The following PHAF1 variants were observed in gnomAD, a reference collection of about 807,000 sequenced individuals.
The protein encoded by PHAF1 is phagosome assembly factor 1.
Under a neutral mutation model 63.1 loss-of-function variants are expected in PHAF1, and 23 were observed. That is an observed-to-expected ratio of 0.36 (90% CI 0.26 to 0.52). The LOEUF (loss-of-function observed/expected upper bound fraction) is 0.52, where lower values mean the gene tolerates loss of function less well. Ranked by LOEUF, PHAF1 falls within the 20% of genes least tolerant of loss-of-function variation. PHAF1 has a pLI of 0.93. For missense variants in PHAF1, 427 were observed against 517.2 expected (o/e 0.83, Z 1.69); for synonymous variants, 167 against 185.0 (o/e 0.90, Z 0.79).
chr16:67,131,260 T>C, intron 3 of PHAF1, 26 bp from the exon 4 acceptor site: 1 of 1,507,940 alleles, frequency 6.6e-7, no homozygotes, highest in Non-Finnish European at 9.1e-7. Context: ...TTTCAGAGCA[T>C]TGACAACTCT....
At chr16:67,132,351 C>G in intron 4 of PHAF1, 95 bp from the exon 5 acceptor site, 2 of 1,088,990 alleles carry the variant, frequency 1.8e-6, no homozygotes, top group East Asian at 4.8e-5. Flanking sequence ...ACTCACCTGC[C>G]TGTGTCTTAA....
At position 67,109,952 on chromosome 16, in the gene PHAF1, C is replaced by T. The variant is rs1567633709; in HGVS notation, c.-224C>T. ...ACGCCACTTTTACTGCAGTCGCGCC[C>T]GCCGCCGTCGTTGCCCCCGCTGCCG... On this transcript the variant is annotated 5_prime_UTR_variant, in exon 1 of 16. Coordinates refer to ENST00000219139, the MANE Select transcript of PHAF1 (RefSeq NM_025187.5). The T allele has an allele frequency of 9.6e-6, 5 of 523,306 alleles. No individual in the cohort carries two copies. The highest frequency in any genetic ancestry group is 6.7e-5 in the East Asian group (2 of 30,060). 32.4% of individuals were successfully genotyped at this position (523,306 alleles called of 1,614,324 possible).
At chr16:67,120,258 G>C (rs774599041) in intron 2 of PHAF1, 64 bp downstream of exon 2, 24 of 1,428,482 alleles carry the variant, frequency 1.7e-5, no homozygotes, top group Non-Finnish European at 2.3e-5. Flanking sequence ...TTCCAGAGCT[G>C]ATGCTTTGGG....
chr16:67,130,921 GGT>G (rs1262569063), intron 3 of PHAF1, among the ~76,000 whole-genome samples: 2 of 152,156 alleles, frequency 1.3e-5, no homozygotes, highest in Non-Finnish European at 2.9e-5. Context: ...CACTGGCTAT[GGT>G]TATGCTGAAG....
chr16:67,118,245 T>C (rs1398766721), intron 1 of PHAF1, among the ~76,000 whole-genome samples: 2 of 149,918 alleles, frequency 1.3e-5, no homozygotes, highest in African/African-American at 4.9e-5. Context: ...AGTGCTGGGA[T>C]TACGGACGTG....
At chr16:67,131,393 C>T in intron 4 of PHAF1, 64 bp downstream of exon 4, 2 of 1,163,344 alleles carry the variant, frequency 1.7e-6, no homozygotes, top group Non-Finnish European at 1.2e-6. Context: ...CTACTATCTT[C>T]ATAAGTTAGT....
chr16:67,113,320 C>T lies in PHAF1; in HGVS notation c.64+3081C>T, dbSNP rs918153651. 3.3e-5 allele frequency among the ~76,000 whole-genome samples: 5 copies of T among 152,204 alleles called. No individual in the cohort carries two copies. The East Asian group carries it at 5.8e-4, about 18-fold the overall frequency. ...ATAATGTTGGATGATTAGGGAAATG[C>T]GAGCAACACAGGGAAAGGAAAACCT... On this transcript the variant is annotated intron_variant, in intron 1 of 15. Coordinates refer to ENST00000219139, the MANE Select transcript of PHAF1 (RefSeq NM_025187.5).
intron 10 of PHAF1, among the ~76,000 whole-genome samples, chr16:67,141,216 C>T (rs1387716986): frequency 6.6e-6 from 1 of 152,178 alleles, no homozygotes; most frequent in East Asian, 1.9e-4. Context: ...AGGTAGCAAA[C>T]AGTAGATTTC....
intron 8 of PHAF1, among the ~76,000 whole-genome samples, chr16:67,136,777 C>G (rs1288502005): frequency 6.6e-6 from 1 of 151,784 alleles, no homozygotes; most frequent in Non-Finnish European, 1.5e-5. Context: ...CACGTGGTCT[C>G]CCTATGTTGC....
At chr16:67,138,890 T>C (rs1279294920) in intron 8 of PHAF1, among the ~76,000 whole-genome samples, 1 of 152,170 alleles carries the variant, frequency 6.6e-6, no homozygotes, top group Non-Finnish European at 1.5e-5. Context: ...AGGTTCAGTG[T>C]CTCTGGTTAG....
chr16:67,111,790 A>C (rs954868815), intron 1 of PHAF1, among the ~76,000 whole-genome samples: 19 of 151,972 alleles, frequency 1.3e-4, no homozygotes, highest in African/African-American at 4.4e-4. Context: ...CACCCGGCTA[A>C]TTTTTGTATT....
intron 2 of PHAF1, among the ~76,000 whole-genome samples, chr16:67,124,303 A>G (rs1042178342): frequency 6.6e-6 from 1 of 152,258 alleles, no homozygotes; most frequent in African/African-American, 2.4e-5. Flanking sequence ...TTGTTCCATT[A>G]TCTTGCTTGA....
chr16:67,145,545 C>T (rs1156419525), intron 13 of PHAF1, 25 bp from the exon 14 acceptor site: 2 of 1,614,018 alleles, frequency 1.2e-6, no homozygotes, highest in Non-Finnish European at 1.7e-6. Flanking sequence ...CTACTAACCC[C>T]TGCTCCCCTC....
chr16:67,133,044 C>G (rs1963467635), intron 6 of PHAF1, 133 bp downstream of exon 6: 2 of 762,286 alleles, frequency 2.6e-6, no homozygotes, highest in South Asian at 3.4e-5. Context: ...TATTTGAGCT[C>G]TACAGGGTAA....
intron 8 of PHAF1, among the ~76,000 whole-genome samples, chr16:67,136,923 G>A (rs988320919): frequency 3.9e-5 from 6 of 152,126 alleles, no homozygotes; most frequent in East Asian, 1.9e-4. Flanking sequence ...TTGGGAGGCC[G>A]AGGTGGGCGG....
In PHAF1 at chr16:67,120,131, A is replaced by T. The variant is rs770648324; in HGVS notation, c.84A>T (p.Ala28=). The part of the protein sequence containing the change: ...EFTLGMPLAQ[A]VAILQKHCRI... ...TTTCAGGAATGCCTCTGGCTCAGGCAGTAGCCATTCTTCAGAAGCACTGTC... is the reference window on the plus strand; with the variant it reads ...TTTCAGGAATGCCTCTGGCTCAGGCTGTAGCCATTCTTCAGAAGCACTGTC... The change falls in exon 2 of 16, where the codon GCA becomes GCT. Residue 28 remains alanine (A), a synonymous_variant. Transcript: ENST00000219139. 74 of 1,613,878 alleles carry T rather than the reference A, an allele frequency of 4.6e-5. 1 individual carries two copies. Among genetic ancestry groups the T allele is most frequent in the Middle Eastern group, 1.6e-4 (1 of 6,084 alleles).
chr16:67,119,224 G>A (rs1308194274), intron 1 of PHAF1, among the ~76,000 whole-genome samples: 1 of 152,170 alleles, frequency 6.6e-6, no homozygotes, highest in Non-Finnish European at 1.5e-5. Flanking sequence ...ACCAAAACCT[G>A]GGTCTGCAGA....
chr16:67,144,522 G>A (rs1476073923), intron 11 of PHAF1, 146 bp downstream of exon 11: 6 of 676,812 alleles, frequency 8.9e-6, no homozygotes, highest in Non-Finnish European at 1.6e-5. Flanking sequence ...CTGAGTGCTT[G>A]CTGTGTTCCT....
chr16:67,147,026 T>C lies in PHAF1; in HGVS notation c.1183-19T>C, dbSNP rs544906074. On this transcript the variant is annotated intron_variant, in intron 15 of 15. Transcript: ENST00000219139. ...CCTTTACCTCTCCCCCTTGACCCACTGTCCTCTTCTCACACCAGGTCATGC... is the reference window on the plus strand; with the variant it reads ...CCTTTACCTCTCCCCCTTGACCCACCGTCCTCTTCTCACACCAGGTCATGC... 70 of 1,602,256 alleles carry C rather than the reference T, an allele frequency of 4.4e-5. 1 individual carries two copies. The African/African-American group carries it at 6.3e-4, about 14-fold the overall frequency.
Sources: gnomAD v4.1 joint callset for allele counts (sites outside exome capture counted in the v4.1 genomes callset) on GRCh38, gnomAD v4.1.1 for gene constraint, MANE v1.5 for transcripts, NCBI Gene and HGNC (gene_info 2026-07-23, HGNC 2026-07-21) for gene names.